The following TP53INP1 variants were observed in gnomAD, a reference collection of about 807,000 sequenced individuals.
TP53INP1 encodes the protein tumor protein p53 inducible nuclear protein 1, also known as tumor protein p53-inducible nuclear protein 1.
A neutral mutation model predicts 21.0 loss-of-function variants in TP53INP1; 12 were observed. The observed-to-expected ratio is 0.57, with a 90% CI of 0.37 to 0.93. The LOEUF (loss-of-function observed/expected upper bound fraction) is 0.93. Among genes scored for constraint, TP53INP1 ranks in the 40% least tolerant of loss-of-function variants. TP53INP1 has a pLI of 0.01. For synonymous variants in TP53INP1, 91 were observed against 94.8 expected (o/e 0.96, Z 0.23); for missense variants, 274 against 294.7 (o/e 0.93, Z 0.51).
At position 94,930,262 on chromosome 8, in the gene TP53INP1, T is replaced by TG; in HGVS notation, c.*216dup. On this transcript the variant is annotated 3_prime_UTR_variant, in exon 4 of 4. Coordinates refer to ENST00000342697, the MANE Select transcript of TP53INP1 (RefSeq NM_033285.4). ...TATTGATATGTTTCCAGAAATAATCTGAAAAAGTGTACAAAAAAAGTAAAT... is the reference window on the plus strand; with the variant it reads ...TATTGATATGTTTCCAGAAATAATCTGGAAAAAGTGTACAAAAAAAGTAAAT... 1 of 579,050 alleles carries TG rather than the reference T, an allele frequency of 1.7e-6. No individual in the cohort carries two copies. Among genetic ancestry groups the TG allele is most frequent in the African/African-American group, 1.9e-5 (1 of 53,490 alleles). 35.9% of individuals were successfully genotyped at this position (579,050 alleles called of 1,614,324 possible). A position where few individuals can be genotyped will look rare whatever the true frequency, so the allele number is the denominator to read the frequency against.
intron 1 of TP53INP1, 55 bp downstream of exon 1, chr8:94,949,099 A>G (rs1452493451): frequency 1.8e-4 from 27 of 147,008 alleles, no homozygotes; most frequent in Admixed American, 1.8e-3. Context: ...TGCGGCCCCA[A>G]CCGGCAGCGA....
chr8:94,926,452 T>G lies in TP53INP1; in HGVS notation c.*4027A>C, dbSNP rs1003128969. 3 of 144,184 alleles carry G rather than the reference T, an allele frequency of 2.1e-5. No individual in the cohort carries two copies. The highest frequency in any genetic ancestry group is 4.5e-5 in the Non-Finnish European group (3 of 66,382). The allele number at this position is 144,184 out of a possible 1,614,324, so 8.9% of individuals were successfully genotyped here. On this transcript the variant is annotated 3_prime_UTR_variant, in exon 4 of 4. Coordinates refer to ENST00000342697, the MANE Select transcript of TP53INP1 (RefSeq NM_033285.4). ...AAAAAAACACACGCAATTATTAAAG[T>G]TCAAAATCTCTGGAGGAAAATACAA... is the stretch of plus-strand genomic sequence containing the variant.
At chr8:94,932,025 C>T in intron 3 of TP53INP1, 1 of 1,578,484 alleles carries the variant, frequency 6.3e-7, no homozygotes, top group South Asian at 1.2e-5. Context: ...CCTTTGCCTC[C>T]CTATGCATAC....
intron 3 of TP53INP1, among the ~76,000 whole-genome samples, chr8:94,931,721 T>A (rs1314760019): frequency 6.6e-6 from 1 of 152,194 alleles, no homozygotes; most frequent in Non-Finnish European, 1.5e-5. Context: ...GCTCTTGTAA[T>A]CCCAACACTT....
Position 94,926,861 on chromosome 8 carries a change from T to C in TP53INP1, c.*3618A>G, listed in dbSNP as rs956469494. ...ACACCACTGTATCATGTAGGTTTTC[T>C]AAATAAAGCATTTTATGTATAATTT... On this transcript the variant is annotated 3_prime_UTR_variant, in exon 4 of 4. Coordinates refer to ENST00000342697, the MANE Select transcript of TP53INP1 (RefSeq NM_033285.4). The C allele has an allele frequency of 1.3e-5, 2 of 152,222 alleles. No individual in the cohort carries two copies. The highest frequency in any genetic ancestry group is 4.8e-5 in the African/African-American group (2 of 41,464). 9.4% of individuals were successfully genotyped at this position (152,222 alleles called of 1,614,324 possible). A position where few individuals can be genotyped will look rare whatever the true frequency, so the allele number is the denominator to read the frequency against.
Position 94,949,354 on chromosome 8 carries a change from TTTG to T in TP53INP1, c.-354_-352del, listed in dbSNP as rs923689425. ...GCCCAGGCCGGCCAGTCCAAGTCCT[TTTG>T]TTGTTGTGCAGCGCTCGCAACAGCT... On this transcript the variant is annotated 5_prime_UTR_variant, in exon 1 of 4. Transcript: ENST00000342697. The T allele has an allele frequency of 3.3e-5, 5 of 150,260 alleles. No individual in the cohort carries two copies. Among genetic ancestry groups the T allele is most frequent in the Non-Finnish European group, 7.4e-5 (5 of 67,464 alleles). The allele number at this position is 150,260 out of a possible 1,614,324, so 9.3% of individuals were successfully genotyped here.
intron 3 of TP53INP1, among the ~76,000 whole-genome samples, chr8:94,931,711 G>A (rs1053986869): frequency 6.6e-5 from 10 of 152,024 alleles, no homozygotes; most frequent in African/African-American, 2.2e-4. Context: ...GCTGTGGCTC[G>A]CTCTTGTAAT....
intron 1 of TP53INP1, among the ~76,000 whole-genome samples, chr8:94,943,331 T>G (rs1821720556): frequency 6.6e-6 from 1 of 152,002 alleles, no homozygotes; most frequent in East Asian, 1.9e-4. Flanking sequence ...ACAAAAAAAT[T>G]TTAAAAAATT....
intron 3 of TP53INP1, among the ~76,000 whole-genome samples, chr8:94,934,442 A>G (rs1820765864): frequency 6.6e-6 from 1 of 151,500 alleles, no homozygotes; most frequent in African/African-American, 2.4e-5. Flanking sequence ...CTGGAGTGCA[A>G]TGGCGTGATC....
At chr8:94,935,919 A>G (rs181946072) in intron 3 of TP53INP1, among the ~76,000 whole-genome samples, 5 of 152,224 alleles carry the variant, frequency 3.3e-5, no homozygotes, top group Non-Finnish European at 7.3e-5. Context: ...TCTGCCCTTC[A>G]TGACAATATT....
In TP53INP1 at chr8:94,939,986, G is replaced by A; in HGVS notation, c.347C>T (p.Thr116Ile). 1 of 1,614,186 alleles carries A rather than the reference G, an allele frequency of 6.2e-7. No homozygotes were observed. The highest frequency in any genetic ancestry group is 8.5e-7 in the Non-Finnish European group (1 of 1,180,040). ...AATGAGAAGGTTTTCCATAGGACTT[G>A]TTTCCACCTTGATAGTGGTTAATCC... Reference protein sequence around the residue: ...AGGLTTIKVETSPMENLLIEH... With the variant: ...AGGLTTIKVEISPMENLLIEH... Residue 116 changes from threonine to isoleucine, a missense_variant, in exon 3 of 4, where the codon ACA (threonine) becomes ATA (isoleucine). Coordinates refer to ENST00000342697, the MANE Select transcript of TP53INP1 (RefSeq NM_033285.4).
chr8:94,948,445 C>T (rs1411657866), intron 1 of TP53INP1, among the ~76,000 whole-genome samples: 2 of 152,190 alleles, frequency 1.3e-5, no homozygotes, highest in Non-Finnish European at 2.9e-5. Flanking sequence ...ATGTTAAGGG[C>T]CAAGGAGAGC....
In TP53INP1 at chr8:94,930,412, T is replaced by C. The variant is rs1820275350; in HGVS notation, c.*67A>G. On this transcript the variant is annotated 3_prime_UTR_variant, in exon 4 of 4. Transcript: ENST00000342697. ...TTGTAAAGAGACAACATTTTCACTG[T>C]ACATATACACACATCCATACATGTA... is the stretch of plus-strand genomic sequence containing the variant. 1.9e-6 allele frequency: 3 copies of C among 1,591,826 alleles called. No individual in the cohort carries two copies. The Admixed American group carries it at 5.1e-5, about 27-fold the overall frequency.
chr8:94,931,401 C>G (rs1452755138), intron 3 of TP53INP1, among the ~76,000 whole-genome samples: 1 of 152,130 alleles, frequency 6.6e-6, no homozygotes, highest in Non-Finnish European at 1.5e-5. Flanking sequence ...TTGAATAACA[C>G]AATCTTAAAA....
rs181946072 is a variant in TP53INP1 at position 94,935,919 on chromosome 8, A to T, written c.473+3941T>A. On this transcript the variant is annotated intron_variant, in intron 3 of 3. Transcript: ENST00000342697. ...CAAAAGGCATGTAAATCTGCCCTTC[A>T]TGACAATATTAACTGGACATGCTAA... 2.0e-5 allele frequency among the ~76,000 whole-genome samples: 3 copies of T among 152,342 alleles called. No homozygotes were observed. In the East Asian group the frequency reaches 5.8e-4, roughly 29 times the overall value.
In TP53INP1 at chr8:94,930,370, GATTGGTTATCA is replaced by G. The variant is rs1466151006; in HGVS notation, c.*98_*108del. 2 of 1,438,664 alleles carry G rather than the reference GATTGGTTATCA, an allele frequency of 1.4e-6. No homozygotes were observed. The highest frequency in any genetic ancestry group is 1.4e-5 in the African/African-American group (1 of 70,582). 89.1% of individuals were successfully genotyped at this position (1,438,664 alleles called of 1,614,324 possible). On this transcript the variant is annotated 3_prime_UTR_variant, in exon 4 of 4. Coordinates refer to ENST00000342697, the MANE Select transcript of TP53INP1 (RefSeq NM_033285.4). ...TCTAAATACACTGATAAAACTATGT[GATTGGTTATCA>G]ATTGGTTGTAAAGAGACAACATTTT...
chr8:94,942,950 A>G (rs1379516479), intron 1 of TP53INP1, among the ~76,000 whole-genome samples: 1 of 152,252 alleles, frequency 6.6e-6, no homozygotes, highest in African/African-American at 2.4e-5. Flanking sequence ...GGAAAAGTCA[A>G]AGACCCAGGT....
chr8:94,940,055 T>G lies in TP53INP1; in HGVS notation c.278A>C (p.Glu93Ala). Residue 93 changes from glutamate to alanine, a missense_variant, in exon 3 of 4, where the codon GAG (glutamate) becomes GCG (alanine). By Grantham distance (107) the Glu-to-Ala change is moderately radical. Coordinates refer to ENST00000342697, the MANE Select transcript of TP53INP1 (RefSeq NM_033285.4). ...GGGTGGGGTGATAAACCAGCTCTCC[T>G]CCATTGGACATGACTCAAACTGGAG... is the stretch of plus-strand genomic sequence containing the variant. ...CFLQFESCPM[E>A]ESWFITPPPC... is the part of the protein sequence containing the mutation. 1 of 1,614,200 alleles carries G rather than the reference T, an allele frequency of 6.2e-7. No homozygotes were observed. The highest frequency in any genetic ancestry group is 8.5e-7 in the Non-Finnish European group (1 of 1,180,030).
At chr8:94,932,928 G>A (rs2131324067) in intron 3 of TP53INP1, among the ~76,000 whole-genome samples, 1 of 152,258 alleles carries the variant, frequency 6.6e-6, no homozygotes, top group East Asian at 1.9e-4. Context: ...AAAATTCAGT[G>A]CATTCTGGCC....
Sources: gnomAD v4.1 joint callset for allele counts (sites outside exome capture counted in the v4.1 genomes callset) on GRCh38, gnomAD v4.1.1 for gene constraint, MANE v1.5 for transcripts, NCBI Gene and HGNC (gene_info 2026-07-23, HGNC 2026-07-21) for gene names.